Variants in HELZ observed in about 807,000 individuals in gnomAD.
HELZ encodes the protein helicase with zinc finger.
In HELZ, 23 loss-of-function variants were observed where a neutral mutation model predicts 218.2. The observed-to-expected ratio is 0.11, with a 90% CI of 0.08 to 0.15. HELZ has a LOEUF of 0.15. Ranked by LOEUF, HELZ falls within the 10% of genes least tolerant of loss-of-function variation. HELZ has a pLI of 1.00. For missense variants in HELZ, 1,813 were observed against 2,353.7 expected, an observed-to-expected ratio of 0.77 and a Z score of 4.75; for synonymous variants, 814 against 829.4, an observed-to-expected ratio of 0.98 and a Z score of 0.32.
intron 5 of HELZ, among the ~76,000 whole-genome samples, chr17:67,212,691 C>T (rs1423137586): frequency 6.6e-6 from 1 of 152,130 alleles, no homozygotes; most frequent in Non-Finnish European, 1.5e-5. Context: ...TCTTACTTAT[C>T]ACATAAAGGG....
At chr17:67,209,705 A>T (rs1347963975) in intron 5 of HELZ, among the ~76,000 whole-genome samples, 1 of 151,724 alleles carries the variant, frequency 6.6e-6, no homozygotes, top group Non-Finnish European at 1.5e-5. Context: ...TCAAAACCAC[A>T]CTTCCACTCT....
intron 32 of HELZ, 46 bp downstream of exon 32, chr17:67,086,783 G>A (rs775674356): frequency 1.9e-6 from 3 of 1,594,112 alleles, no homozygotes; most frequent in Non-Finnish European, 2.6e-6. Context: ...CAGATATCCG[G>A]GAGCTGAGGA....
chr17:67,162,933 C>T (rs2039032012), intron 15 of HELZ, among the ~76,000 whole-genome samples: 1 of 152,162 alleles, frequency 6.6e-6, no homozygotes, highest in African/African-American at 2.4e-5. Context: ...AGCTCCTGCA[C>T]AGCCCTGGAC....
Position 67,161,043 on chromosome 17 carries a change from A to G in HELZ, c.1929T>C (p.Asn643=), listed in dbSNP as rs974530553. ...CCAGAACAGCCTCTTTCTGTTTTGC[A>G]TTTAGTCGAGGATCCAACTGTTCAT... ...QWDEQLDPRL[N]AKQKEAVLAI... The change falls in exon 16 of 33, where the codon AAT becomes AAC. Residue 643 remains asparagine (N), a synonymous_variant. Transcript: ENST00000358691. The G allele has an allele frequency of 1.2e-6, 2 of 1,612,506 alleles. No individual in the cohort carries two copies. The highest frequency in any genetic ancestry group is 1.7e-6 in the Non-Finnish European group (2 of 1,179,340).
intron 21 of HELZ, among the ~76,000 whole-genome samples, chr17:67,138,459 C>T (rs1337394926): frequency 1.3e-5 from 2 of 152,190 alleles, no homozygotes; most frequent in African/African-American, 4.8e-5. Context: ...AAGGCAAGTT[C>T]TCACAGCCCC....
intron 8 of HELZ, among the ~76,000 whole-genome samples, chr17:67,194,758 C>T (rs1162458650): frequency 1.3e-5 from 2 of 152,100 alleles, no homozygotes; most frequent in Non-Finnish European, 2.9e-5. Flanking sequence ...ATTTTCTACT[C>T]CCTCACAAGT....
chr17:67,155,978 T>C (rs1481939671), intron 17 of HELZ, among the ~76,000 whole-genome samples: 1 of 146,710 alleles, frequency 6.8e-6, no homozygotes, highest in African/African-American at 2.5e-5. Flanking sequence ...TTATGTATTA[T>C]ATATTCATAA....
chr17:67,235,306 A>C (rs2143467887), intron 3 of HELZ, among the ~76,000 whole-genome samples: 1 of 152,228 alleles, frequency 6.6e-6, no homozygotes. Context: ...GAAGTTCAAG[A>C]CCAGCCTGAA....
At chr17:67,150,497 C>T (rs2038650485) in intron 18 of HELZ, among the ~76,000 whole-genome samples, 3 of 152,300 alleles carry the variant, frequency 2.0e-5, no homozygotes, top group Middle Eastern at 3.4e-3. Context: ...TGACATCTTA[C>T]ATCTGTACTT....
At chr17:67,200,984 A>C in intron 7 of HELZ, 145 bp downstream of exon 7, 2 of 709,358 alleles carry the variant, frequency 2.8e-6, no homozygotes, top group Non-Finnish European at 5.2e-6. Flanking sequence ...GGGGGTTACG[A>C]GGGAAGGCTG....
intron 12 of HELZ, among the ~76,000 whole-genome samples, chr17:67,184,228 C>A (rs1415289567): frequency 6.6e-6 from 1 of 152,158 alleles, no homozygotes; most frequent in East Asian, 1.9e-4. Flanking sequence ...ATTAACTGAG[C>A]TACACTGTCT....
chr17:67,167,907 A>G (rs1168833015), intron 13 of HELZ, 111 bp from the exon 14 acceptor site: 4 of 723,584 alleles, frequency 5.5e-6, no homozygotes, highest in East Asian at 2.7e-5. Context: ...TTAAACCATT[A>G]TATCAATTCC....
intron 28 of HELZ, 32 bp downstream of exon 28, chr17:67,114,292 C>T: frequency 1.4e-6 from 2 of 1,417,896 alleles, no homozygotes; most frequent in Non-Finnish European, 1.0e-6. Flanking sequence ...AGACTAAATC[C>T]ACTAGGACAA....
intron 7 of HELZ, among the ~76,000 whole-genome samples, chr17:67,196,598 A>G (rs1280727229): frequency 3.7e-5 from 5 of 135,854 alleles, no homozygotes; most frequent in Non-Finnish European, 6.3e-5. Context: ...GGATGGATGG[A>G]TGGATGGGTG....
chr17:67,216,811 C>A (rs1300442095), intron 4 of HELZ, among the ~76,000 whole-genome samples: 1 of 152,156 alleles, frequency 6.6e-6, no homozygotes, highest in Non-Finnish European at 1.5e-5. Context: ...CTCATTTCCT[C>A]ACTTGGACAC....
At chr17:67,214,419 C>A (rs2040541324) in intron 5 of HELZ, among the ~76,000 whole-genome samples, 2 of 151,680 alleles carry the variant, frequency 1.3e-5, no homozygotes, top group African/African-American at 4.8e-5. Flanking sequence ...GCGTGCACCA[C>A]CATGCCTGGC....
intron 16 of HELZ, 24 bp downstream of exon 16, chr17:67,160,873 T>A: frequency 6.5e-7 from 1 of 1,543,462 alleles, no homozygotes; most frequent in Non-Finnish European, 8.8e-7. Flanking sequence ...CAGGGAAATA[T>A]GAGCACGCTT....
intron 32 of HELZ, among the ~76,000 whole-genome samples, 198 bp downstream of exon 32, chr17:67,086,631 A>AATATATATATATATATATATATATATAT (rs71139116): frequency 5.4e-5 from 5 of 93,294 alleles, no homozygotes; most frequent in Non-Finnish European, 8.1e-5. Context: ...TATAAATATA[A>AATATATATATATATATATATATATATAT]ATATATATAT....
intron 7 of HELZ, among the ~76,000 whole-genome samples, chr17:67,195,838 CTTTT>C (rs66827855): frequency 2.0e-5 from 2 of 101,544 alleles, no homozygotes; most frequent in Non-Finnish European, 3.5e-5. Context: ...GTTTCTTTTC[CTTTT>C]TTTTTTTTTC....
Sources: allele counts gnomAD v4.1 joint callset (sites outside exome capture counted in the v4.1 genomes callset), GRCh38; gene constraint gnomAD v4.1.1; transcripts MANE v1.5; gene names NCBI Gene and HGNC (gene_info 2026-07-23, HGNC 2026-07-21).